Variants in DOCK8 observed in about 807,000 individuals in gnomAD.
DOCK8 encodes dedicator of cytokinesis protein 8.
Under a neutral mutation model 245.6 loss-of-function variants are expected in DOCK8, and 141 were observed. That is an observed-to-expected ratio of 0.57 (90% confidence interval 0.50 to 0.66). The LOEUF (loss-of-function observed/expected upper bound fraction) is 0.66, where lower values mean the gene tolerates loss of function less well. DOCK8 is among the 30% of genes least tolerant of loss of function. The pLI is 0.00. For missense variants in DOCK8, 2,965 were observed against 2,603.4 expected (o/e 1.14, Z -3.02); for synonymous variants, 1,168 against 970.2 (o/e 1.20, Z -3.79).
chr9:409,307 T>C (rs2055598334), intron 28 of DOCK8, among the ~76,000 whole-genome samples: 1 of 152,214 alleles, frequency 6.6e-6, no homozygotes, highest in Non-Finnish European at 1.5e-5. Context: ...ACAGTGTTTT[T>C]CAAGCATTTA....
At chr9:318,207 C>G (rs4294238) in intron 7 of DOCK8, among the ~76,000 whole-genome samples, 1 of 152,050 alleles carries the variant, frequency 6.6e-6, no homozygotes, top group Non-Finnish European at 1.5e-5. Context: ...TCCTTCAAAT[C>G]CACAGATGAA....
chr9:378,071 A>T (rs1015080970), intron 20 of DOCK8, among the ~76,000 whole-genome samples: 1 of 152,198 alleles, frequency 6.6e-6, no homozygotes, highest in East Asian at 1.9e-4. Flanking sequence ...AGGCTTTGTG[A>T]CAATAACCAA....
chr9:248,428 C>T (rs785836), intron 1 of DOCK8, among the ~76,000 whole-genome samples: 44,067 of 147,592 alleles, frequency 0.3, 6,973 homozygotes, highest in East Asian at 0.4. Flanking sequence ...TTTATTTTTC[C>T]CTTCCTTCTG....
rs76344195 is a variant in DOCK8, at chr9:363,417, G to A, written c.1680-4601G>A. On this transcript the variant is annotated intron_variant, in intron 14 of 47. Coordinates refer to ENST00000432829, the MANE Select transcript of DOCK8 (RefSeq NM_203447.4). ...ATGAAGCATATGAGCCTGTTTATCC[G>A]TTCGTTAATCATTATTTTTATCTGG... Among the ~76,000 whole-genome samples the A allele has an allele frequency of 1.1e-4, 17 of 152,266 alleles. No homozygotes were observed. The East Asian group carries it at 1.9e-3, about 17-fold the overall frequency.
intron 1 of DOCK8, among the ~76,000 whole-genome samples, chr9:240,754 AC>A (rs1587644854): frequency 6.6e-6 from 1 of 152,256 alleles, no homozygotes; most frequent in African/African-American, 2.4e-5. Flanking sequence ...ATTTGGAAAG[AC>A]CCTGCTTCCC....
At chr9:273,636 A>G (rs2048228123) in intron 2 of DOCK8, among the ~76,000 whole-genome samples, 1 of 151,884 alleles carries the variant, frequency 6.6e-6, no homozygotes, top group African/African-American at 2.4e-5. Flanking sequence ...AGAGACGTTA[A>G]GGAAGTTTAG....
At chr9:360,908 C>T (rs186940068) in intron 14 of DOCK8, among the ~76,000 whole-genome samples, 1 of 152,250 alleles carries the variant, frequency 6.6e-6, no homozygotes, top group East Asian at 1.9e-4. Context: ...GCTTGTAATC[C>T]TAGCACTTTA....
intron 1 of DOCK8, among the ~76,000 whole-genome samples, chr9:235,169 C>T (rs13286692): frequency 0.042 from 6,454 of 152,252 alleles, 155 homozygotes; most frequent in Non-Finnish European, 0.063. Context: ...CCACTCCAGA[C>T]GCTGTTTGCC....
intron 1 of DOCK8, among the ~76,000 whole-genome samples, chr9:220,355 T>G (rs187211194): frequency 4.9e-4 from 75 of 152,348 alleles, no homozygotes; most frequent in Middle Eastern, 3.4e-3. Context: ...TGACCATTTA[T>G]GTATATTGAT....
intron 4 of DOCK8, among the ~76,000 whole-genome samples, chr9:294,182 C>A (rs785853): frequency 0.92 from 140,173 of 152,114 alleles, 64,701 homozygotes; most frequent in African/African-American, 0.97. Flanking sequence ...GGAATGTGTC[C>A]TAAGTTACTG....
chr9:289,000 T>G (rs899724597), intron 3 of DOCK8, among the ~76,000 whole-genome samples: 1 of 152,178 alleles, frequency 6.6e-6, no homozygotes, highest in Non-Finnish European at 1.5e-5. Context: ...ATTCCTTAAG[T>G]AGACATGACA....
intron 1 of DOCK8, among the ~76,000 whole-genome samples, chr9:264,220 CAT>C (rs1474702235): frequency 6.6e-6 from 1 of 152,182 alleles, no homozygotes; most frequent in Non-Finnish European, 1.5e-5. Context: ...TATATGATGA[CAT>C]ATAAAAGCTG....
intron 1 of DOCK8, among the ~76,000 whole-genome samples, chr9:248,071 A>G (rs2047550274): frequency 6.6e-6 from 1 of 152,060 alleles, no homozygotes; most frequent in African/African-American, 2.4e-5. Context: ...AGAATCTTGC[A>G]TTAAGTCCAA....
At chr9:242,743 C>T (rs1399528236) in intron 1 of DOCK8, among the ~76,000 whole-genome samples, 3 of 151,964 alleles carry the variant, frequency 2.0e-5, no homozygotes, top group East Asian at 3.9e-4. Flanking sequence ...TTGCCACCAA[C>T]GAGTCAAAAC....
In DOCK8 at chr9:433,974, A is replaced by C; in HGVS notation, c.4885A>C (p.Arg1629=). Residue 1629 remains arginine (R), a splice_region_variant and synonymous_variant, in exon 38 of 48, where the codon AGA becomes CGA. Coordinates refer to ENST00000432829, the MANE Select transcript of DOCK8 (RefSeq NM_203447.4). ...DPEMLMDLMY[R]IAKSYQASPD... Reference sequence around the variant, plus strand: ...TGAGATGCTTATGGATCTCATGTACAGGTAAGCTTTCCTGACACACTCAAG... The same window carrying C: ...TGAGATGCTTATGGATCTCATGTACCGGTAAGCTTTCCTGACACACTCAAG... 6 of 1,611,602 alleles carry C rather than the reference A, an allele frequency of 3.7e-6. No individual in the cohort carries two copies. Among genetic ancestry groups the C allele is most frequent in the African/African-American group, 1.3e-5 (1 of 75,018 alleles).
chr9:344,535 A>G (rs13294454), intron 14 of DOCK8, among the ~76,000 whole-genome samples: 78,630 of 150,032 alleles, frequency 0.52, 20,929 homozygotes, highest in African/African-American at 0.64. Context: ...AAAATTGGCA[A>G]GCTGACTAAG....
chr9:250,994 C>T (rs1563841391), intron 1 of DOCK8, among the ~76,000 whole-genome samples: 1 of 152,146 alleles, frequency 6.6e-6, no homozygotes, highest in Non-Finnish European at 1.5e-5. Context: ...AGGGAAGGCT[C>T]TTTTCTGATG....
intron 6 of DOCK8, chr9:312,817 C>G: frequency 3.6e-6 from 1 of 280,732 alleles, no homozygotes; most frequent in Non-Finnish European, 6.9e-6. Context: ...GTTTGAACTC[C>G]TTATACTGTA....
chr9:215,114 C>T (rs2046713396), intron 1 of DOCK8, 85 bp downstream of exon 1: 1 of 1,499,336 alleles, frequency 6.7e-7, no homozygotes, highest in Non-Finnish European at 8.8e-7. Context: ...GGGCCGAGGC[C>T]GGACGAGTCC....
Sources: gnomAD v4.1 joint callset for allele counts (sites outside exome capture counted in the v4.1 genomes callset) on GRCh38, gnomAD v4.1.1 for gene constraint, MANE v1.5 for transcripts, NCBI Gene and HGNC (gene_info 2026-07-23, HGNC 2026-07-21) for gene names.